BMPER: variants seen among roughly 807,000 people sequenced by gnomAD.
BMPER encodes the protein BMP binding endothelial regulator, also known as BMP-binding endothelial regulator protein.
In BMPER, 45 loss-of-function variants were observed where a neutral mutation model predicts 87.3. The observed-to-expected ratio is 0.52, with a 90% CI of 0.41 to 0.66. BMPER has a LOEUF of 0.66. Ranked by LOEUF, BMPER falls within the 30% of genes least tolerant of loss-of-function variation. The pLI, the probability that BMPER is intolerant of heterozygous loss-of-function variation, is 0.00. For missense variants in BMPER, 784 were observed against 867.5 expected, an observed-to-expected ratio of 0.90 and a Z score of 1.21; for synonymous variants, 326 against 316.2, an observed-to-expected ratio of 1.03 and a Z score of -0.33.
rs1463441056 is a variant in BMPER, at chr7:34,088,907, G to A, written c.1745+2815G>A. 3.9e-5 allele frequency among the ~76,000 whole-genome samples: 6 copies of A among 152,044 alleles called. No homozygotes were observed. The East Asian group carries it at 1.2e-3, about 29-fold the overall frequency. On this transcript the variant is annotated intron_variant, in intron 13 of 14. Transcript: ENST00000649409. ...TCTCAAAATCAACTGTTTCTCTTTTGCGACACTTCCTCCAGGTAGTGTAAG... is the reference window on the plus strand; with the variant it reads ...TCTCAAAATCAACTGTTTCTCTTTTACGACACTTCCTCCAGGTAGTGTAAG...
At chr7:34,071,408 T>C (rs1354536379) in intron 11 of BMPER, among the ~76,000 whole-genome samples, 1 of 152,214 alleles carries the variant, frequency 6.6e-6, no homozygotes, top group Non-Finnish European at 1.5e-5. Flanking sequence ...AGGTAGTTTG[T>C]GCATGATTTT....
intron 6 of BMPER, among the ~76,000 whole-genome samples, chr7:33,991,527 C>T (rs1786218572): frequency 6.6e-6 from 1 of 152,072 alleles, no homozygotes; most frequent in African/African-American, 2.4e-5. Flanking sequence ...ATTAATCTTG[C>T]TAGCAGTCTA....
Position 34,144,879 on chromosome 7 carries a change from GCCA to G in BMPER, c.1876+1522_1876+1524del, listed in dbSNP as rs1234369410. On this transcript the variant is annotated intron_variant, in intron 14 of 14. Coordinates refer to ENST00000649409, the MANE Select transcript of BMPER (RefSeq NM_001365308.1). ...CTTAGCTCACATCTCAGAAGAGAAG[GCCA>G]CCCATGCCATTGCTGACTCCACAAT... is the stretch of plus-strand genomic sequence containing the variant. Among the ~76,000 whole-genome samples, 3 of 152,158 alleles carry G rather than the reference GCCA, an allele frequency of 2.0e-5. No individual in the cohort carries two copies. In the East Asian group the frequency reaches 5.8e-4, roughly 29 times the overall value.
intron 13 of BMPER, among the ~76,000 whole-genome samples, chr7:34,139,322 G>A (rs1029935064): frequency 3.9e-5 from 6 of 152,188 alleles, no homozygotes; most frequent in Admixed American, 3.3e-4. Flanking sequence ...ATTTTAGCTG[G>A]AGGAACGTTG....
intron 6 of BMPER, among the ~76,000 whole-genome samples, chr7:34,020,988 T>G (rs1787171023): frequency 4.6e-5 from 7 of 151,928 alleles, no homozygotes. Context: ...CCTTCTCCAT[T>G]CCAGTTTGTT....
At chr7:34,145,420 C>G (rs137946099) in intron 14 of BMPER, among the ~76,000 whole-genome samples, 1 of 152,124 alleles carries the variant, frequency 6.6e-6, no homozygotes, top group Non-Finnish European at 1.5e-5. Flanking sequence ...TCAATGCTGC[C>G]CTTCTCAGAG....
At chr7:34,025,931 G>A (rs1787345998) in intron 6 of BMPER, among the ~76,000 whole-genome samples, 3 of 152,010 alleles carry the variant, frequency 2.0e-5, no homozygotes, top group Non-Finnish European at 4.4e-5. Flanking sequence ...TCCAGGGAGT[G>A]TGTGAGGGCA....
At chr7:33,996,846 G>A (rs1786425826) in intron 6 of BMPER, among the ~76,000 whole-genome samples, 1 of 151,996 alleles carries the variant, frequency 6.6e-6, no homozygotes, top group Non-Finnish European at 1.5e-5. Flanking sequence ...ATATTAATAG[G>A]ATATCTTACA....
intron 13 of BMPER, among the ~76,000 whole-genome samples, chr7:34,124,381 C>T (rs1439351836): frequency 6.6e-6 from 1 of 151,482 alleles, no homozygotes; most frequent in Non-Finnish European, 1.5e-5. Context: ...TTACCTTAGC[C>T]CAGAAAATAT....
At chr7:33,972,221 A>G (rs1400414966) in intron 5 of BMPER, among the ~76,000 whole-genome samples, 3 of 152,036 alleles carry the variant, frequency 2.0e-5, no homozygotes, top group African/African-American at 7.2e-5. Flanking sequence ...CTTTATTGAC[A>G]CAGAATCAAC....
At chr7:33,918,515 T>G (rs756174234) in intron 2 of BMPER, among the ~76,000 whole-genome samples, 6 of 152,260 alleles carry the variant, frequency 3.9e-5, no homozygotes, top group Admixed American at 1.3e-4. Context: ...GGGTCTCTCC[T>G]GCTTTGTGGA....
chr7:33,934,517 CAAAA>C (rs11340819), intron 2 of BMPER, among the ~76,000 whole-genome samples: 1 of 59,322 alleles, frequency 1.7e-5, no homozygotes, highest in Non-Finnish European at 4.2e-5. Flanking sequence ...TGTGTGTGTA[CAAAA>C]AAAAAAAAAA....
chr7:33,970,724 G>A (rs1240520649), intron 5 of BMPER, among the ~76,000 whole-genome samples: 1 of 152,164 alleles, frequency 6.6e-6, no homozygotes, highest in East Asian at 1.9e-4. Context: ...GGCTTCCAGA[G>A]ATGTCTTTTT....
chr7:34,007,981 TC>T (rs1786781073), intron 6 of BMPER, among the ~76,000 whole-genome samples: 1 of 152,042 alleles, frequency 6.6e-6, no homozygotes, highest in South Asian at 2.1e-4. Flanking sequence ...TTATTGTTTT[TC>T]TTGTCAGTTT....
chr7:33,955,357 G>A (rs888787032), intron 3 of BMPER, among the ~76,000 whole-genome samples: 29 of 152,170 alleles, frequency 1.9e-4, no homozygotes, highest in East Asian at 3.8e-4. Flanking sequence ...ACAACGTTGC[G>A]CTGTTGAATC....
At chr7:33,970,254 C>G in intron 4 of BMPER, 75 bp from the exon 5 acceptor site, 1 of 1,461,664 alleles carries the variant, frequency 6.8e-7, no homozygotes. Context: ...ACTTCTCCTA[C>G]TTAGGTCACT....
At chr7:34,100,463 T>C (rs1389503912) in intron 13 of BMPER, among the ~76,000 whole-genome samples, 1 of 152,156 alleles carries the variant, frequency 6.6e-6, no homozygotes, top group East Asian at 1.9e-4. Context: ...TTGTACTGCA[T>C]TCGTGCACCT....
chr7:34,143,501 T>C, intron 14 of BMPER, 141 bp downstream of exon 14: 1 of 1,290,334 alleles, frequency 7.7e-7, no homozygotes, highest in South Asian at 1.3e-5. Context: ...CCCATCTGGA[T>C]TGCTACTTGA....
intron 6 of BMPER, among the ~76,000 whole-genome samples, chr7:34,026,347 T>C (rs1246554647): frequency 6.6e-6 from 1 of 152,060 alleles, no homozygotes; most frequent in Admixed American, 6.6e-5. Context: ...AGGTTTTCCA[T>C]TGGATTATTT....
Sources: gnomAD v4.1 joint callset for allele counts (sites outside exome capture counted in the v4.1 genomes callset) on GRCh38, gnomAD v4.1.1 for gene constraint, MANE v1.5 for transcripts, NCBI Gene and HGNC (gene_info 2026-07-23, HGNC 2026-07-21) for gene names.